Variants in NLRC4 observed in about 807,000 individuals in gnomAD.
The protein encoded by NLRC4 is NLR family CARD domain containing 4.
A neutral mutation model predicts 79.9 loss-of-function variants in NLRC4; 63 were observed. The observed-to-expected ratio is 0.79, with a 90% CI of 0.64 to 0.97. The LOEUF (loss-of-function observed/expected upper bound fraction) is 0.97. Among genes scored for constraint, NLRC4 ranks in the 50% least tolerant of loss-of-function variants. The probability of loss-of-function intolerance (pLI) is 0.00; values close to 1 mark genes in which losing one functional copy is unlikely to be tolerated. For synonymous variants in NLRC4, 461 were observed against 456.5 expected (o/e 1.01, Z -0.12); for missense variants, 1,074 against 1,215.2 (o/e 0.88, Z 1.73).
At chr2:32,256,150 T>C (rs1188940073) in intron 2 of NLRC4, among the ~76,000 whole-genome samples, 3 of 152,184 alleles carry the variant, frequency 2.0e-5, no homozygotes, top group African/African-American at 7.2e-5. Context: ...TGCTGCTCAT[T>C]TATTCATTAA....
At chr2:32,262,500 C>T (rs181398647) in intron 1 of NLRC4, among the ~76,000 whole-genome samples, 6 of 152,266 alleles carry the variant, frequency 3.9e-5, no homozygotes, top group African/African-American at 9.6e-5. Flanking sequence ...GTGGACCAGG[C>T]GTGGTGGTTC....
intron 4 of NLRC4, among the ~76,000 whole-genome samples, chr2:32,241,582 G>A (rs1686803561): frequency 6.6e-6 from 1 of 151,904 alleles, no homozygotes; most frequent in Non-Finnish European, 1.5e-5. Context: ...GTTTCACCAT[G>A]TTAGCCAGGA....
At chr2:32,257,917 G>C (rs1687246510) in intron 1 of NLRC4, among the ~76,000 whole-genome samples, 1 of 152,100 alleles carries the variant, frequency 6.6e-6, no homozygotes, top group African/African-American at 2.4e-5. Flanking sequence ...GTGTTACAGG[G>C]TGCTCTTTTA....
intron 6 of NLRC4, among the ~76,000 whole-genome samples, chr2:32,236,924 A>G (rs1446105179): frequency 6.6e-6 from 1 of 152,248 alleles, no homozygotes; most frequent in Non-Finnish European, 1.5e-5. Flanking sequence ...ATTACATTAA[A>G]TCTTAATGGA....
chr2:32,237,452 C>T (rs1339078112), intron 6 of NLRC4, among the ~76,000 whole-genome samples: 1 of 152,144 alleles, frequency 6.6e-6, no homozygotes, highest in African/African-American at 2.4e-5. Flanking sequence ...CAGTACTTAT[C>T]CAGCCTTTTT....
intron 8 of NLRC4, among the ~76,000 whole-genome samples, chr2:32,231,572 T>TGCGGGGGGG (rs757448591): frequency 1.7e-5 from 1 of 59,482 alleles, no homozygotes; most frequent in Non-Finnish European, 3.0e-5. Context: ...TATTTTTTTT[T>TGCGGGGGGG]GTGGGGGGGG....
intron 4 of NLRC4, among the ~76,000 whole-genome samples, chr2:32,242,073 A>G (rs1686818975): frequency 6.6e-6 from 1 of 152,132 alleles, no homozygotes; most frequent in African/African-American, 2.4e-5. Context: ...AGGTCTCACT[A>G]TGTTGCCCAG....
intron 8 of NLRC4, among the ~76,000 whole-genome samples, chr2:32,225,852 C>A (rs1367989375): frequency 1.3e-5 from 2 of 152,146 alleles, no homozygotes; most frequent in South Asian, 2.1e-4. Flanking sequence ...CTTAGTGTAC[C>A]TCACCCAACT....
chr2:32,249,826 G>C lies in NLRC4; in HGVS notation c.2038C>G (p.Leu680Val), dbSNP rs1687024195. The change falls in exon 4 of 9, where the codon CTG (leucine) becomes GTG (valine). Residue 680 changes from leucine to valine, a missense_variant. Coordinates refer to ENST00000402280, the MANE Select transcript of NLRC4 (RefSeq NM_001199138.2). ...SKLNKQDIRY[L>V]GKIFSSATSL... ...GTGGCAGAGCTGAATATTTTCCCCA[G>C]ATATCTGATATCTTGCTTATTCAAC... 1 of 1,614,178 alleles carries C rather than the reference G, an allele frequency of 6.2e-7. No individual in the cohort carries two copies. The highest frequency in any genetic ancestry group is 8.5e-7 in the Non-Finnish European group (1 of 1,180,030).
chr2:32,232,326 A>G (rs1035355764), intron 8 of NLRC4, among the ~76,000 whole-genome samples: 1 of 152,186 alleles, frequency 6.6e-6, no homozygotes, highest in African/African-American at 2.4e-5. Context: ...GAAATTTGTC[A>G]GTATGAACTT....
chr2:32,243,271 G>A (rs1686849137), intron 4 of NLRC4, among the ~76,000 whole-genome samples: 1 of 150,572 alleles, frequency 6.6e-6, no homozygotes, highest in Non-Finnish European at 1.5e-5. Context: ...TCAGCTGGGT[G>A]TAGTGGCAGG....
intron 4 of NLRC4, among the ~76,000 whole-genome samples, chr2:32,247,053 T>G (rs1008807637): frequency 4.6e-5 from 7 of 152,188 alleles, no homozygotes; most frequent in Non-Finnish European, 1.0e-4. Flanking sequence ...TCACCTGGCC[T>G]GGCCCCAACC....
chr2:32,226,631 A>G (rs967573570), intron 8 of NLRC4, among the ~76,000 whole-genome samples: 7 of 152,336 alleles, frequency 4.6e-5, no homozygotes, highest in African/African-American at 1.7e-4. Context: ...CTATAATCCC[A>G]GCACTTTGGG....
intron 8 of NLRC4, among the ~76,000 whole-genome samples, chr2:32,230,558 A>G (rs1032804396): frequency 2.9e-5 from 4 of 139,552 alleles, no homozygotes; most frequent in African/African-American, 1.1e-4. Flanking sequence ...TGCAGCCTCC[A>G]CCTTCTCGGT....
rs1259384777 is a variant in NLRC4 at position 32,250,905 on chromosome 2, C to A, written c.959G>T (p.Gly320Val). The A allele has an allele frequency of 6.2e-7, 1 of 1,614,138 alleles. No homozygotes were observed. The change falls in exon 4 of 9, where the codon GGC becomes GTC. Residue 320 changes from glycine (G) to valine (V), a missense_variant. Transcript: ENST00000402280. This position sits in a 1 kb window ranked among gnomAD's most constrained non-coding sequence, Gnocchi z 4.9. The stretch of plus-strand genomic sequence containing the variant: ...GGATTTCTGAATTTGGAGCAACAAG[C>A]CTTCAGCAAGCTCCTTGATCAGCAC... ...REVLIKELAE[G>V]LLLQIQKSRC...
chr2:32,259,769 T>A (rs977942724), intron 1 of NLRC4, among the ~76,000 whole-genome samples: 2 of 152,190 alleles, frequency 1.3e-5, no homozygotes, highest in Non-Finnish European at 2.9e-5. Flanking sequence ...CTGATTTTTT[T>A]AAACCGTAAA....
intron 1 of NLRC4, among the ~76,000 whole-genome samples, chr2:32,260,233 A>T (rs1438231634): frequency 6.8e-6 from 1 of 147,654 alleles, no homozygotes; most frequent in Admixed American, 6.8e-5. Context: ...AAAAAAAAAA[A>T]CAACGAAAAA....
intron 8 of NLRC4, among the ~76,000 whole-genome samples, chr2:32,230,465 C>A (rs898579742): frequency 3.4e-5 from 5 of 149,132 alleles, no homozygotes; most frequent in Admixed American, 2.7e-4. Flanking sequence ...GGGCCCAGCC[C>A]CCGCTATTTT....
chr2:32,260,213 C>CAAAAAAAAAAAAAAAA (rs1197388989), intron 1 of NLRC4, among the ~76,000 whole-genome samples: 1 of 75,074 alleles, frequency 1.3e-5, no homozygotes. Context: ...TGGGCAACGA[C>CAAAAAAAAAAAAAAAA]AAAAAAAAAA....
Sources: gnomAD v4.1 joint callset for allele counts (sites outside exome capture counted in the v4.1 genomes callset) on GRCh38, gnomAD v4.1.1 for gene constraint, Gnocchi (gnomAD v3.1) non-coding constraint, MANE v1.5 for transcripts, NCBI Gene and HGNC (gene_info 2026-07-23, HGNC 2026-07-21) for gene names.